The following ITGB3 variants were observed in gnomAD, a reference collection of about 807,000 sequenced individuals.
The protein encoded by ITGB3 is integrin beta-3.
Under a neutral mutation model 85.8 loss-of-function variants are expected in ITGB3, and 48 were observed. That is an observed-to-expected ratio of 0.56 (90% CI 0.44 to 0.71). The LOEUF (loss-of-function observed/expected upper bound fraction) is 0.71, where lower values mean the gene tolerates loss of function less well. Ranked by LOEUF, ITGB3 falls within the 30% of genes least tolerant of loss-of-function variation. ITGB3 has a pLI of 0.00. For missense variants in ITGB3, 861 were observed against 1,019.1 expected (o/e 0.84, Z 2.11); for synonymous variants, 363 against 395.6 (o/e 0.92, Z 0.98).
chr17:47,278,464 C>T (rs1455641739), intron 2 of ITGB3, among the ~76,000 whole-genome samples: 1 of 152,132 alleles, frequency 6.6e-6, no homozygotes, highest in Non-Finnish European at 1.5e-5. Context: ...CCTGTAACCC[C>T]AGCTACTAGG....
intron 11 of ITGB3, 145 bp from the exon 12 acceptor site, chr17:47,300,333 A>C: frequency 6.4e-6 from 3 of 470,304 alleles, no homozygotes; most frequent in Non-Finnish European, 7.6e-6. Context: ...ATTGTCTTAC[A>C]GGCGCGCGCG....
chr17:47,286,151 C>A, intron 4 of ITGB3, 109 bp from the exon 5 acceptor site: 2 of 1,246,224 alleles, frequency 1.6e-6, no homozygotes, highest in Non-Finnish European at 2.3e-6. Context: ...TTGTATGGAA[C>A]TGGCCTTGGC....
chr17:47,292,650 C>T (rs1280997003), intron 10 of ITGB3, 82 bp downstream of exon 10: 1 of 1,435,874 alleles, frequency 7.0e-7, no homozygotes, highest in African/African-American at 1.4e-5. Flanking sequence ...AGGTGAAGGC[C>T]TGAGATGGGT....
At position 47,253,883 on chromosome 17, in the gene ITGB3, C is replaced by T. The variant is rs952078066; in HGVS notation, c.22C>T (p.Arg8Trp). 161 of 1,282,174 alleles carry T rather than the reference C, an allele frequency of 1.3e-4. 1 individual carries two copies. Among genetic ancestry groups the T allele is most frequent in the Non-Finnish European group, 1.6e-4 (158 of 1,013,564 alleles). 79.4% of individuals were successfully genotyped at this position (1,282,174 alleles called of 1,614,324 possible). MRARPRP[R>W]PLWATVLALG... ...CGAGATGCGAGCGCGGCCGCGGCCC[C>T]GGCCGCTCTGGGCGACTGTGCTGGC... The change falls in exon 1 of 15, where the codon CGG (arginine) becomes TGG (tryptophan). Residue 8 changes from arginine (R) to tryptophan (W), a missense_variant. Physicochemically the swap from Arg to Trp is moderately radical, Grantham distance 101 (BLOSUM62 -3). Transcript: ENST00000559488.
At chr17:47,308,938 T>C (rs1379539554) in intron 14 of ITGB3, among the ~76,000 whole-genome samples, 1 of 148,404 alleles carries the variant, frequency 6.7e-6, no homozygotes, top group Non-Finnish European at 1.5e-5. Flanking sequence ...TCTCCCCTCC[T>C]CTCCCATTCC....
At chr17:47,258,231 T>C (rs2064997065) in intron 1 of ITGB3, among the ~76,000 whole-genome samples, 1 of 152,150 alleles carries the variant, frequency 6.6e-6, no homozygotes, top group Non-Finnish European at 1.5e-5. Context: ...CCTTGGCCCT[T>C]CCTGAGTGGG....
chr17:47,275,738 CT>C (rs2065061380), intron 2 of ITGB3, among the ~76,000 whole-genome samples: 1 of 152,256 alleles, frequency 6.6e-6, no homozygotes, highest in Admixed American at 6.5e-5. Context: ...CCGCACGTTG[CT>C]TTGGCCTCTT....
intron 6 of ITGB3, among the ~76,000 whole-genome samples, chr17:47,288,248 GGA>G (rs2065111697): frequency 1.3e-5 from 2 of 148,824 alleles, no homozygotes; most frequent in East Asian, 4.0e-4. Context: ...GAGAAAGAGG[GGA>G]AAGAACATAA....
At chr17:47,289,420 G>A (rs1334826675) in intron 6 of ITGB3, among the ~76,000 whole-genome samples, 1 of 151,922 alleles carries the variant, frequency 6.6e-6, no homozygotes, top group East Asian at 1.9e-4. Flanking sequence ...CCAACTCCTG[G>A]GCTGAAGTGA....
In ITGB3 at chr17:47,299,954, T is replaced by A. The variant is rs2065159972; in HGVS notation, c.1913+424T>A. ...CCCCATCAGCCTGAGTCCATGGCAC[T>A]GCCATTCTGCTTACCACTTTAAGCA... is the stretch of plus-strand genomic sequence containing the variant. On this transcript the variant is annotated intron_variant, in intron 11 of 14. Transcript: ENST00000559488. The surrounding 1 kb of genome is among the most constrained non-coding windows in gnomAD (Gnocchi z 5.1). 6.6e-6 allele frequency among the ~76,000 whole-genome samples: 1 copy of A among 152,148 alleles called. No individual in the cohort carries two copies. The highest frequency in any genetic ancestry group is 1.5e-5 in the Non-Finnish European group (1 of 67,982).
intron 1 of ITGB3, among the ~76,000 whole-genome samples, chr17:47,266,998 T>C (rs2065027903): frequency 3.9e-5 from 6 of 152,184 alleles, no homozygotes; most frequent in Admixed American, 3.9e-4. Flanking sequence ...ATACTTAACG[T>C]CATGTCTAGT....
chr17:47,284,691 T>G lies in ITGB3; in HGVS notation c.610T>G (p.Tyr204Asp). ...SPPEALENPCYDMKTTCLPMF... is the reference protein window; with the variant it reads ...SPPEALENPCDDMKTTCLPMF... ...ACCAGAGGCCCTCGAAAACCCCTGCTATGAGTAAGTCCCTCCTCCAGACGC... is the reference window on the plus strand; with the variant it reads ...ACCAGAGGCCCTCGAAAACCCCTGCGATGAGTAAGTCCCTCCTCCAGACGC... The change falls in exon 4 of 15, where the codon TAT (tyrosine) becomes GAT (aspartate). Residue 204 changes from tyrosine (Y) to aspartate (D), a missense_variant. By Grantham distance (160) the Tyr-to-Asp change is radical (BLOSUM62 -3). Coordinates refer to ENST00000559488, the MANE Select transcript of ITGB3 (RefSeq NM_000212.3). 1 of 1,614,164 alleles carries G rather than the reference T, an allele frequency of 6.2e-7. No homozygotes were observed. Among genetic ancestry groups the G allele is most frequent in the Non-Finnish European group, 8.5e-7 (1 of 1,180,018 alleles).
At chr17:47,308,093 T>C (rs532715663) in intron 14 of ITGB3, among the ~76,000 whole-genome samples, 4 of 150,242 alleles carry the variant, frequency 2.7e-5, no homozygotes, top group Non-Finnish European at 5.9e-5. Flanking sequence ...TTGAACCCAG[T>C]AGGTAGAGGT....
chr17:47,289,492 A>C (rs2065116979), intron 6 of ITGB3, among the ~76,000 whole-genome samples, 189 bp from the exon 7 acceptor site: 2 of 151,938 alleles, frequency 1.3e-5, no homozygotes, highest in Admixed American at 1.3e-4. Context: ...CTGGCAAATA[A>C]AAAAAATTTT....
intron 1 of ITGB3, among the ~76,000 whole-genome samples, chr17:47,270,053 G>A (rs992636525): frequency 6.6e-6 from 1 of 152,286 alleles, no homozygotes; most frequent in African/African-American, 2.4e-5. Flanking sequence ...TAAACCATCA[G>A]ATCTTGTGAG....
At position 47,290,757 on chromosome 17, in the gene ITGB3, A is replaced by C. The variant is rs555816227; in HGVS notation, c.1126-197A>C. Among the ~76,000 whole-genome samples, 510 of 152,264 alleles carry C rather than the reference A, an allele frequency of 3.3e-3. 4 individuals are homozygous for C. Among genetic ancestry groups the C allele is most frequent in the Non-Finnish European group, 6.0e-3 (411 of 68,010 alleles). On this transcript the variant is annotated intron_variant, in intron 8 of 14. Coordinates refer to ENST00000559488, the MANE Select transcript of ITGB3 (RefSeq NM_000212.3). Reference sequence around the variant, plus strand: ...CACCTAGACGCAAGTGGAGATGGAAAGAGGGAGCAGGTTCCTGCGCAGGAA... The same window carrying C: ...CACCTAGACGCAAGTGGAGATGGAACGAGGGAGCAGGTTCCTGCGCAGGAA...
chr17:47,311,369 T>A lies in ITGB3; in HGVS notation c.*1165T>A, dbSNP rs1438313785. 1.3e-5 allele frequency: 2 copies of A among 152,738 alleles called. No individual in the cohort carries two copies. The highest frequency in any genetic ancestry group is 4.8e-5 in the African/African-American group (2 of 41,462). The allele number at this position is 152,738 out of a possible 1,614,324, so 9.5% of individuals were successfully genotyped here. On this transcript the variant is annotated 3_prime_UTR_variant, in exon 15 of 15. Coordinates refer to ENST00000559488, the MANE Select transcript of ITGB3 (RefSeq NM_000212.3). The stretch of plus-strand genomic sequence containing the variant: ...AGTTGTATCAGCACGTGTGGCCTGT[T>A]CTTCTATGGGTTGGACAACCTCATT...
intron 9 of ITGB3, chr17:47,291,389 T>C (rs1051078123): frequency 1.8e-6 from 1 of 569,562 alleles, no homozygotes; most frequent in Non-Finnish European, 3.1e-6. Context: ...AAAATATTTC[T>C]TTACCTTCAG....
chr17:47,291,532 C>A, intron 9 of ITGB3: 1 of 295,850 alleles, frequency 3.4e-6, no homozygotes. Flanking sequence ...TTCTCCTCCG[C>A]TTCTGCCTAA....
Sources: allele counts gnomAD v4.1 joint callset (sites outside exome capture counted in the v4.1 genomes callset), GRCh38; gene constraint gnomAD v4.1.1; non-coding constraint Gnocchi (gnomAD v3.1); transcripts MANE v1.5; gene names NCBI Gene and HGNC (gene_info 2026-07-23, HGNC 2026-07-21).